CTNNA1: variants seen among roughly 807,000 people sequenced by gnomAD.
CTNNA1 encodes the protein catenin alpha-1.
CTNNA1 carries 37 observed loss-of-function variants against 98.4 expected under a neutral mutation model. That is an observed-to-expected ratio of 0.38 (90% CI 0.29 to 0.49). CTNNA1 has a LOEUF of 0.49. Ranked by LOEUF, CTNNA1 falls within the 20% of genes least tolerant of loss-of-function variation. CTNNA1 has a pLI of 0.95. For missense variants in CTNNA1, 761 were observed against 1,147.2 expected, an observed-to-expected ratio of 0.66 and a Z score of 4.86; for synonymous variants, 404 against 413.2, an observed-to-expected ratio of 0.98 and a Z score of 0.27.
intron 7 of CTNNA1, among the ~76,000 whole-genome samples, chr5:138,847,390 A>G (rs920209926): frequency 5.9e-5 from 9 of 151,970 alleles, no homozygotes; most frequent in African/African-American, 9.7e-5. Context: ...GTCTCGAACT[A>G]CTGGGCTCAA....
At position 138,930,955 on chromosome 5, in the gene CTNNA1, G is replaced by C; in HGVS notation, c.2298+20G>C. 6.4e-7 allele frequency: 1 copy of C among 1,554,352 alleles called. No individual in the cohort carries two copies. The highest frequency in any genetic ancestry group is 8.9e-7 in the Non-Finnish European group (1 of 1,125,448). On this transcript the variant is annotated intron_variant, in intron 16 of 17. Transcript: ENST00000302763. ...GACCATGTAAGTGACAGACTTGCCA[G>C]GTGGGTCTCCAAGCTCCTCCTGGGG...
At chr5:138,809,886 A>G (rs1758494749) in intron 3 of CTNNA1, 152 bp from the exon 4 acceptor site, 1 of 1,134,526 alleles carries the variant, frequency 8.8e-7, no homozygotes, top group South Asian at 2.1e-5. Context: ...TAAAACAAAC[A>G]AAGGAACAGC....
At chr5:138,797,002 A>T (rs1017172271) in intron 3 of CTNNA1, among the ~76,000 whole-genome samples, 5 of 152,166 alleles carry the variant, frequency 3.3e-5, no homozygotes, top group Non-Finnish European at 7.3e-5. Flanking sequence ...ACAGATACCC[A>T]TTTATTTTAC....
intron 10 of CTNNA1, among the ~76,000 whole-genome samples, chr5:138,905,514 T>C (rs568507406): frequency 6.6e-6 from 1 of 152,344 alleles, no homozygotes; most frequent in East Asian, 1.9e-4. Flanking sequence ...CTAGTCTCTT[T>C]ATTCTGTAGT....
chr5:138,780,230 G>A lies in CTNNA1; in HGVS notation c.-2-1693G>A, dbSNP rs192632620. ...TTTTGAGACGGAGTCTTGCTCTTTC[G>A]CCCAGGCCGGACTGCAGTGGCGCTA... On this transcript the variant is annotated intron_variant, in intron 1 of 17. Transcript: ENST00000302763. 2.4e-4 allele frequency among the ~76,000 whole-genome samples: 37 copies of A among 151,252 alleles called. 1 individual carries two copies. The highest frequency in any genetic ancestry group is 1.3e-3 in the Admixed American group (20 of 15,230).
At chr5:138,891,326 C>G (rs1755298273) in intron 9 of CTNNA1, 1 of 152,110 alleles carries the variant, frequency 6.6e-6, no homozygotes, top group Admixed American at 6.5e-5. Context: ...GGAAACTCTC[C>G]CTCCAGAGAC....
At chr5:138,777,085 C>G (rs1754373507) in intron 1 of CTNNA1, among the ~76,000 whole-genome samples, 1 of 151,778 alleles carries the variant, frequency 6.6e-6, no homozygotes, top group Admixed American at 6.6e-5. Flanking sequence ...GGCGGAGGGG[C>G]TCCTCACTTC....
chr5:138,763,955 C>G (rs779754299), intron 1 of CTNNA1, among the ~76,000 whole-genome samples: 1 of 152,224 alleles, frequency 6.6e-6, no homozygotes, highest in East Asian at 1.9e-4. Context: ...CTTTGGGAGG[C>G]GGGCAGATCA....
intron 3 of CTNNA1, among the ~76,000 whole-genome samples, chr5:138,806,420 C>T (rs534113515): frequency 2.0e-4 from 31 of 152,002 alleles, no homozygotes; most frequent in African/African-American, 5.6e-4. Flanking sequence ...TTTCTTCTCC[C>T]GCTCAGAAAG....
intron 9 of CTNNA1, among the ~76,000 whole-genome samples, chr5:138,888,145 T>C (rs1336472262): frequency 1.3e-5 from 2 of 152,212 alleles, no homozygotes; most frequent in African/African-American, 4.8e-5. Flanking sequence ...AGACCAGTCT[T>C]GTTTTAAAAG....
At chr5:138,925,718 T>C (rs1763863429) in intron 13 of CTNNA1, among the ~76,000 whole-genome samples, 1 of 152,220 alleles carries the variant, frequency 6.6e-6, no homozygotes, top group Non-Finnish European at 1.5e-5. Flanking sequence ...GTTCTCAAGC[T>C]AGTATCAGAG....
intron 10 of CTNNA1, among the ~76,000 whole-genome samples, chr5:138,909,767 C>T (rs1760135396): frequency 6.6e-6 from 1 of 152,104 alleles, no homozygotes; most frequent in Non-Finnish European, 1.5e-5. Flanking sequence ...TATGGGAACC[C>T]TGATCATATT....
chr5:138,850,393 A>T (rs1306485203), intron 7 of CTNNA1, among the ~76,000 whole-genome samples: 1 of 152,160 alleles, frequency 6.6e-6, no homozygotes, highest in Non-Finnish European at 1.5e-5. Flanking sequence ...TCATGTTTGA[A>T]TTGTTTTTCA....
intron 3 of CTNNA1, among the ~76,000 whole-genome samples, chr5:138,802,507 T>A (rs766860784): frequency 7.2e-5 from 11 of 152,054 alleles, no homozygotes; most frequent in Non-Finnish European, 1.5e-4. Flanking sequence ...TTTTTAAAAA[T>A]TTATTTTTTT....
Position 138,874,587 on chromosome 5 carries a change from G to C in CTNNA1, c.1063-11625G>C. On this transcript the variant is annotated intron_variant, in intron 7 of 17. Coordinates refer to ENST00000302763, the MANE Select transcript of CTNNA1 (RefSeq NM_001903.5). The surrounding 1 kb of genome is among the most constrained non-coding windows in gnomAD (Gnocchi z 4.1). Reference sequence around the variant, plus strand: ...GAATATAATTTAAGGAAAACAAGAAGATAGGATATTTTTCAGCAGAACATA... The same window carrying C: ...GAATATAATTTAAGGAAAACAAGAACATAGGATATTTTTCAGCAGAACATA... The C allele has an allele frequency of 4.4e-6, 6 of 1,375,960 alleles. No individual in the cohort carries two copies. The highest frequency in any genetic ancestry group is 5.9e-6 in the Non-Finnish European group (6 of 1,020,104). The allele number at this position is 1,375,960 out of a possible 1,614,324, so 85.2% of individuals were successfully genotyped here.
At chr5:138,912,438 G>A (rs1481903242) in intron 10 of CTNNA1, among the ~76,000 whole-genome samples, 1 of 152,120 alleles carries the variant, frequency 6.6e-6, no homozygotes, top group Non-Finnish European at 1.5e-5. Context: ...GAAACAAAAC[G>A]GAAATAGTGT....
chr5:138,863,596 T>C lies in CTNNA1; in HGVS notation c.1063-22616T>C, dbSNP rs186211146. On this transcript the variant is annotated intron_variant, in intron 7 of 17. Coordinates refer to ENST00000302763, the MANE Select transcript of CTNNA1 (RefSeq NM_001903.5). Reference sequence around the variant, plus strand: ...TCTTAGGAAATTAGTTATTGTGTTATAGATTCTTACCTAAGGAGAACACGT... The same window carrying C: ...TCTTAGGAAATTAGTTATTGTGTTACAGATTCTTACCTAAGGAGAACACGT... Among the ~76,000 whole-genome samples the C allele has an allele frequency of 6.8e-4, 103 of 152,334 alleles. 2 individuals carry two copies. The highest frequency in any genetic ancestry group is 2.1e-4 in the Non-Finnish European group (14 of 68,032).
intron 10 of CTNNA1, among the ~76,000 whole-genome samples, chr5:138,915,138 C>T (rs1278018846): frequency 1.3e-5 from 2 of 152,070 alleles, no homozygotes; most frequent in Non-Finnish European, 2.9e-5. Flanking sequence ...CAGAGGGACA[C>T]TCTGTCTCTA....
At chr5:138,902,947 T>A (rs1040707471) in intron 9 of CTNNA1, among the ~76,000 whole-genome samples, 1 of 152,168 alleles carries the variant, frequency 6.6e-6, no homozygotes, top group Non-Finnish European at 1.5e-5. Context: ...TTGCAGTGAT[T>A]TTTTAAGCAA....
Sources: allele counts gnomAD v4.1 joint callset (sites outside exome capture counted in the v4.1 genomes callset), GRCh38; gene constraint gnomAD v4.1.1; non-coding constraint Gnocchi (gnomAD v3.1); transcripts MANE v1.5; gene names NCBI Gene and HGNC (gene_info 2026-07-23, HGNC 2026-07-21).